The following LYST variants were observed in gnomAD, a reference collection of about 807,000 sequenced individuals.
LYST encodes lysosomal-trafficking regulator.
In LYST, 192 loss-of-function variants were observed where a neutral mutation model predicts 413.6. The ratio of observed to expected loss-of-function variants is 0.46; its 90% confidence interval spans 0.41 to 0.52. The LOEUF is 0.52. Among genes scored for constraint, LYST ranks in the 20% least tolerant of loss-of-function variants. LYST has a pLI of 0.00. For missense variants in LYST, 3,815 were observed against 4,499.9 expected (o/e 0.85, Z 4.35); for synonymous variants, 1,525 against 1,567.3 (o/e 0.97, Z 0.64).
chr1:235,780,886 A>T lies in LYST; in HGVS notation c.5193T>A (p.Asp1731Glu), dbSNP rs1340817178. ...TTACAATTAAGAGACCAATATCCAC[A>T]TCTTTCTTGGTCATAAAAAGTTCTC... ...QIRELFMTKK[D>E]VDIGLLIESL... The change falls in exon 16 of 53, where the codon GAT becomes GAA. Residue 1731 changes from aspartate (D) to glutamate (E), a missense_variant. Asp to Glu is a conservative substitution (Grantham distance 45, BLOSUM62 2). Transcript: ENST00000389793. 3.3e-6 allele frequency: 5 copies of T among 1,531,152 alleles called. No individual in the cohort carries two copies. The highest frequency in any genetic ancestry group is 4.5e-6 in the Non-Finnish European group (5 of 1,122,428). 94.8% of individuals were successfully genotyped at this position (1,531,152 alleles called of 1,614,324 possible).
rs1664656579 is a variant in LYST, at chr1:235,734,582, G to A, written c.8436C>T (p.Gly2812=). The A allele has an allele frequency of 6.2e-7, 1 of 1,613,066 alleles. No homozygotes were observed. Among genetic ancestry groups the A allele is most frequent in the Non-Finnish European group, 8.5e-7 (1 of 1,179,166 alleles). The stretch of plus-strand genomic sequence containing the variant: ...AAGCATTCATAAGCAGTTCTGCTGT[G>A]CCTAGCTCTTCTTCAGTCAATTCAC... The part of the protein sequence containing the change: ...HQGELTEEEL[G]TAELLMNALK... Residue 2812 remains glycine, a synonymous_variant, in exon 32 of 53, where the codon GGC becomes GGT. Coordinates refer to ENST00000389793, the MANE Select transcript of LYST (RefSeq NM_000081.4).
Position 235,801,366 on chromosome 1 carries a change from C to T in LYST, c.3713-269G>A, listed in dbSNP as rs532695723. Among the ~76,000 whole-genome samples, 3 of 151,840 alleles carry T rather than the reference C, an allele frequency of 2.0e-5. No homozygotes were observed. In the East Asian group the frequency reaches 5.8e-4, roughly 29 times the overall value. ...ACAGACATATGATAGAGATTTAACA[C>T]ATCCCATGGACACAACTTTAAAAAA... On this transcript the variant is annotated intron_variant, in intron 8 of 52. Transcript: ENST00000389793.
rs192000372 is a variant in LYST, at chr1:235,850,029, A to G, written c.-97-16362T>C. On this transcript the variant is annotated intron_variant, in intron 1 of 52. Transcript: ENST00000389793. ...TTCACAGAATTAGAAAAAAAAATCT[A>G]AAATTCATATGGAACCAAAAAAGAG... Among the ~76,000 whole-genome samples the G allele has an allele frequency of 7.1e-3, 1,085 of 152,232 alleles. 15 individuals are homozygous for G. The highest frequency in any genetic ancestry group is 0.024 in the African/African-American group (1,010 of 41,556).
rs1332458411 is a variant in LYST, at chr1:235,712,176, T to G, written c.9806A>C (p.Asp3269Ala). 5 of 1,584,460 alleles carry G rather than the reference T, an allele frequency of 3.2e-6. No individual in the cohort carries two copies. The highest frequency in any genetic ancestry group is 4.3e-6 in the Non-Finnish European group (5 of 1,161,192). ...AYQDQSFDIPDRTFHSTNTTW... is the reference protein window; with the variant it reads ...AYQDQSFDIPARTFHSTNTTW... Reference sequence around the variant, plus strand: ...TGTATTTGTAGAATGAAAAGTTCTGTCTGGAATGTCAAAACTTTGATCTAT... The same window carrying G: ...TGTATTTGTAGAATGAAAAGTTCTGGCTGGAATGTCAAAACTTTGATCTAT... Residue 3269 changes from aspartate to alanine, a missense_variant, in exon 43 of 53, where the codon GAC becomes GCC. This residue lies in a region of LYST where 866 missense variants were observed against 1,156.0 expected (regional missense o/e 0.75). Coordinates refer to ENST00000389793, the MANE Select transcript of LYST (RefSeq NM_000081.4).
intron 3 of LYST, among the ~76,000 whole-genome samples, chr1:235,823,367 A>G (rs1674986785): frequency 6.6e-6 from 1 of 152,260 alleles, no homozygotes; most frequent in African/African-American, 2.4e-5. Context: ...AACTAGATAT[A>G]GTAAATTAAT....
Position 235,682,397 on chromosome 1 carries a change from G to A in LYST, c.10800+4552C>T, listed in dbSNP as rs576954934. Among the ~76,000 whole-genome samples the A allele has an allele frequency of 2.0e-4, 31 of 152,294 alleles. No homozygotes were observed. In the South Asian group the frequency reaches 4.8e-3, roughly 23 times the overall value. On this transcript the variant is annotated intron_variant, in intron 48 of 52. Transcript: ENST00000389793. ...TGCCTTAGCTCAACAGGCTGCTGGC[G>A]GACATGGAGAGGAAGCCCCAGAGAA...
rs574173435 is a variant in LYST at position 235,698,593 on chromosome 1, C to T, written c.10375-1321G>A. Among the ~76,000 whole-genome samples the T allele has an allele frequency of 5.4e-4, 82 of 152,152 alleles. 1 individual carries two copies. The highest frequency in any genetic ancestry group is 2.1e-3 in the South Asian group (10 of 4,812). On this transcript the variant is annotated intron_variant, in intron 45 of 52. Coordinates refer to ENST00000389793, the MANE Select transcript of LYST (RefSeq NM_000081.4). ...TATCAATATTAAAGTTGAGAAAGGC[C>T]GGGCGCGGTGGCTCAAGCCTGTAAT...
intron 1 of LYST, among the ~76,000 whole-genome samples, chr1:235,844,498 G>C (rs1468353685): frequency 6.6e-6 from 1 of 151,994 alleles, no homozygotes; most frequent in African/African-American, 2.4e-5. Flanking sequence ...TGTTTTGGGG[G>C]GTAATTAACT....
chr1:235,728,662 C>T (rs1026370086), intron 37 of LYST, among the ~76,000 whole-genome samples: 1 of 152,130 alleles, frequency 6.6e-6, no homozygotes, highest in Non-Finnish European at 1.5e-5. Flanking sequence ...GTCCCTACAT[C>T]GTGTTTTAAA....
intron 13 of LYST, among the ~76,000 whole-genome samples, chr1:235,788,402 G>T (rs1275479584): frequency 6.6e-6 from 1 of 151,980 alleles, no homozygotes; most frequent in Non-Finnish European, 1.5e-5. Flanking sequence ...TGGCCAGGCT[G>T]GTCTCAAACT....
At chr1:235,695,137 C>T (rs1038381919) in intron 46 of LYST, among the ~76,000 whole-genome samples, 2 of 152,202 alleles carry the variant, frequency 1.3e-5, no homozygotes, top group African/African-American at 4.8e-5. Context: ...AGGGTATTTA[C>T]AGGCCAATAA....
At chr1:235,794,574 C>T (rs965884374) in intron 10 of LYST, among the ~76,000 whole-genome samples, 4 of 152,068 alleles carry the variant, frequency 2.6e-5, no homozygotes, top group African/African-American at 9.7e-5. Context: ...TCCACTTTGA[C>T]CTGAAAGAAA....
chr1:235,853,341 T>C (rs1678770548), intron 1 of LYST, among the ~76,000 whole-genome samples: 1 of 152,218 alleles, frequency 6.6e-6, no homozygotes, highest in African/African-American at 2.4e-5. Flanking sequence ...ATTTAAAATG[T>C]GGGAATATAA....
chr1:235,864,386 T>C (rs1368185288), intron 1 of LYST, among the ~76,000 whole-genome samples: 1 of 152,200 alleles, frequency 6.6e-6, no homozygotes, highest in African/African-American at 2.4e-5. Context: ...CTAATCTCAG[T>C]AAACAAGTAC....
At chr1:235,670,153 AAC>A (rs1391830089) in intron 50 of LYST, among the ~76,000 whole-genome samples, 2 of 152,140 alleles carry the variant, frequency 1.3e-5, no homozygotes, top group East Asian at 3.9e-4. Flanking sequence ...CCACCTTAGC[AAC>A]AGTCTCTTCC....
Position 235,798,578 on chromosome 1 carries a change from TAAAAAAAAAAAA to T in LYST, c.4006+1730_4006+1741del, listed in dbSNP as rs71174462. On this transcript the variant is annotated intron_variant, in intron 10 of 52. Coordinates refer to ENST00000389793, the MANE Select transcript of LYST (RefSeq NM_000081.4). ...TGGCGACAAGGGCAAAACCCTGTCATAAAAAAAAAAAAAAAAAAAAAAAAAAAAAAAAAAAAA... is the reference window on the plus strand; with the variant it reads ...TGGCGACAAGGGCAAAACCCTGTCATAAAAAAAAAAAAAAAAAAAAAAAAA... Among the ~76,000 whole-genome samples the T allele has an allele frequency of 2.9e-3, 237 of 81,680 alleles. 12 individuals carry two copies. Among genetic ancestry groups the T allele is most frequent in the African/African-American group, 6.6e-3 (146 of 22,082 alleles). The allele number at this position is 81,680 out of a possible 152,430, so 53.6% of individuals were successfully genotyped here.
chr1:235,808,874 G>A lies in LYST; in HGVS notation c.1944C>T (p.Ala648=), dbSNP rs1183987501. The part of the protein sequence containing the change: ...NICTVDSDQL[A]QLEETLQGNL... The stretch of plus-strand genomic sequence containing the variant: ...TTCCCTGCAGTGTCTCTTCTAATTG[G>A]GCTAGTTGGTCAGAGTCAACAGTAC... Residue 648 remains alanine (A), a synonymous_variant, in exon 5 of 53, where the codon GCC becomes GCT. Coordinates refer to ENST00000389793, the MANE Select transcript of LYST (RefSeq NM_000081.4). The A allele has an allele frequency of 2.5e-6, 4 of 1,613,806 alleles. No individual in the cohort carries two copies. Among genetic ancestry groups the A allele is most frequent in the Non-Finnish European group, 3.4e-6 (4 of 1,179,906 alleles).
Position 235,662,990 on chromosome 1 carries a change from A to G in LYST, c.11356T>C (p.Leu3786=), listed in dbSNP as rs1658152164. ...IAWCRKDQQR[L]KQPMFYSFLS... ...AAGGAATAGAACATTGGCTGTTTCA[A>G]GCGCTGCTGGTCCTTCCGACACCAG... Residue 3786 remains leucine, a synonymous_variant, in exon 53 of 53, where the codon TTG becomes CTG. Transcript: ENST00000389793. The G allele has an allele frequency of 8.7e-6, 14 of 1,613,732 alleles. No individual in the cohort carries two copies. Among genetic ancestry groups the G allele is most frequent in the Non-Finnish European group, 1.1e-5 (13 of 1,179,712 alleles).
chr1:235,766,932 G>A (rs1668205553), intron 20 of LYST, among the ~76,000 whole-genome samples: 1 of 151,922 alleles, frequency 6.6e-6, no homozygotes, highest in African/African-American at 2.4e-5. Context: ...TTTCACAACA[G>A]CTCTATGAGA....
Sources: allele counts gnomAD v4.1 joint callset (sites outside exome capture counted in the v4.1 genomes callset), GRCh38; gene constraint gnomAD v4.1.1; regional missense constraint gnomAD v4.1.1; transcripts MANE v1.5; gene names NCBI Gene and HGNC (gene_info 2026-07-23, HGNC 2026-07-21).